CACNA1B: variants seen among roughly 807,000 people sequenced by gnomAD.
CACNA1B encodes the protein calcium voltage-gated channel subunit alpha1 B.
In CACNA1B, 70 loss-of-function variants were observed where a neutral mutation model predicts 247.2. That is an observed-to-expected ratio of 0.28 (90% CI 0.23 to 0.35). The LOEUF (loss-of-function observed/expected upper bound fraction) is 0.35, where lower values mean the gene tolerates loss of function less well. CACNA1B is among the 10% of genes least tolerant of loss of function. CACNA1B has a pLI of 1.00. For synonymous variants in CACNA1B, 1,231 were observed against 1,294.4 expected, an observed-to-expected ratio of 0.95 and a Z score of 1.05; for missense variants, 2,367 against 3,197.4, an observed-to-expected ratio of 0.74 and a Z score of 6.26.
intron 36 of CACNA1B, among the ~76,000 whole-genome samples, chr9:138,089,890 A>G (rs1412889312): frequency 6.6e-6 from 1 of 152,230 alleles, no homozygotes; most frequent in East Asian, 1.9e-4. Flanking sequence ...AGAAATAACT[A>G]AGGAAGTGAA....
rs762044142 is a variant in CACNA1B, at chr9:138,013,143, G to A, written c.2175G>A (p.Met725Ile). The A allele has an allele frequency of 2.9e-5, 46 of 1,613,300 alleles. No homozygotes were observed. Among genetic ancestry groups the A allele is most frequent in the Non-Finnish European group, 8.5e-6 (10 of 1,179,510 alleles). The change falls in exon 18 of 47, where the codon ATG becomes ATA. Residue 725 changes from methionine to isoleucine, a missense_variant. By Grantham distance (10) the Met-to-Ile change is conservative. Around this residue, in one of 12 missense-constraint regions of CACNA1B, gnomAD observed 76 missense variants for 191.0 expected, o/e 0.40. Coordinates refer to ENST00000371372, the MANE Select transcript of CACNA1B (RefSeq NM_000718.4). ...AQELTKDEEE[M>I]EEAANQKLAL... ...TGCTCAAACAGGATGAAGAGGAGAT[G>A]GAAGAAGCAGCCAATCAGAAGCTTG...
rs1958878005 is a variant in CACNA1B at position 138,023,541 on chromosome 9, G to A, written c.2798G>A (p.Arg933Gln). The change falls in exon 19 of 47, where the codon CGA becomes CAA. Residue 933 changes from arginine to glutamine, a missense_variant. Around this residue, in one of 12 missense-constraint regions of CACNA1B, gnomAD observed 631 missense variants for 631.1 expected, o/e 1.00. Transcript: ENST00000371372. Reference protein sequence around the residue: ...SPEEAAEREPRRHRAHRHQDP... With the variant: ...SPEEAAEREPQRHRAHRHQDP... ...GAGGAGGCGGCCGAGCGGGAGCCCC[G>A]ACGCCACCGCGCGCACCGGCACCAG... is the stretch of plus-strand genomic sequence containing the variant. 4.6e-6 allele frequency: 5 copies of A among 1,082,830 alleles called. No individual in the cohort carries two copies. The highest frequency in any genetic ancestry group is 4.3e-4 in the Middle Eastern group (1 of 2,316). The allele number at this position is 1,082,830 out of a possible 1,614,324, so 67.1% of individuals were successfully genotyped here. A position where few individuals can be genotyped will look rare whatever the true frequency, so the allele number is the denominator to read the frequency against.
In CACNA1B at chr9:138,073,384, T is replaced by C. The variant is rs1960200130; in HGVS notation, c.4675-104T>C. 1.4e-6 allele frequency: 1 copy of C among 697,118 alleles called. No homozygotes were observed. The highest frequency in any genetic ancestry group is 2.6e-6 in the Non-Finnish European group (1 of 384,256). 43.2% of individuals were successfully genotyped at this position (697,118 alleles called of 1,614,324 possible). ...TTGATTTTAATCTTTTTAACCACTT[T>C]TCTTTGGGGCCACAGGGATGTGGGA... On this transcript the variant is annotated intron_variant, in intron 32 of 46. Coordinates refer to ENST00000371372, the MANE Select transcript of CACNA1B (RefSeq NM_000718.4). The surrounding 1 kb of genome is among the most constrained non-coding windows in gnomAD (Gnocchi z 6.4).
chr9:138,118,033 G>A lies in CACNA1B; in HGVS notation c.5865G>A (p.Leu1955=), dbSNP rs755273641. 1.3e-6 allele frequency: 2 copies of A among 1,599,566 alleles called. No individual in the cohort carries two copies. The highest frequency in any genetic ancestry group is 1.7e-6 in the Non-Finnish European group (2 of 1,173,070). The stretch of plus-strand genomic sequence containing the variant: ...CACCCCATGAGGCCAGGCCACCCCT[G>A]GAGCGTGGCCACTCCACAGAGATCC... ...QDAPHEARPP[L]ERGHSTEIPV... is the part of the protein sequence containing the mutation. Residue 1955 remains leucine, a synonymous_variant, in exon 43 of 47, where the codon CTG becomes CTA. Transcript: ENST00000371372.
intron 15 of CACNA1B, among the ~76,000 whole-genome samples, chr9:137,997,517 T>A (rs1219165448): frequency 6.6e-6 from 1 of 152,148 alleles, no homozygotes; most frequent in Non-Finnish European, 1.5e-5. Context: ...AGACAAATGA[T>A]GTAGTATGAA....
chr9:137,891,960 G>C lies in CACNA1B; in HGVS notation c.530+9077G>C, dbSNP rs568508396. ...CCTTCTAGCCAATGCCACCCTCCCT[G>C]TCTCCCCTGAGAGCACAGGAGCCTG... On this transcript the variant is annotated intron_variant, in intron 3 of 46. Coordinates refer to ENST00000371372, the MANE Select transcript of CACNA1B (RefSeq NM_000718.4). This position sits in a 1 kb window ranked among gnomAD's most constrained non-coding sequence, Gnocchi z 4.3. The C allele has an allele frequency of 2.3e-5, 10 of 435,010 alleles. No homozygotes were observed. The highest frequency in any genetic ancestry group is 1.9e-4 in the Admixed American group (8 of 41,078). 26.9% of individuals were successfully genotyped at this position (435,010 alleles called of 1,614,324 possible). A position where few individuals can be genotyped will look rare whatever the true frequency, so the allele number is the denominator to read the frequency against.
rs887581947 is a variant in CACNA1B at position 138,032,565 on chromosome 9, C to T, written c.3286+7393C>T. ...TAGGCATTCTTTTGTGGTAGGTCTG[C>T]GGGTGACAAATTCTCTTAGTTTTCC... On this transcript the variant is annotated intron_variant, in intron 20 of 46. Transcript: ENST00000371372. The T allele has an allele frequency of 5.3e-5, 22 of 414,744 alleles. No homozygotes were observed. The East Asian group carries it at 1.5e-3, about 28-fold the overall frequency. 25.7% of individuals were successfully genotyped at this position (414,744 alleles called of 1,614,324 possible). A position where few individuals can be genotyped will look rare whatever the true frequency, so the allele number is the denominator to read the frequency against.
intron 3 of CACNA1B, among the ~76,000 whole-genome samples, chr9:137,908,207 G>A (rs1957318457): frequency 6.6e-6 from 1 of 152,190 alleles, no homozygotes; most frequent in Non-Finnish European, 1.5e-5. Context: ...TTCTGCTGAG[G>A]TCTTTTATTA....
rs199627265 is a variant in CACNA1B at position 138,105,680 on chromosome 9, C to T, written c.5320-19C>T. The T allele has an allele frequency of 5.3e-5, 76 of 1,440,546 alleles. 1 individual carries two copies. Among genetic ancestry groups the T allele is most frequent in the African/African-American group, 5.1e-4 (36 of 71,024 alleles). 89.2% of individuals were successfully genotyped at this position (1,440,546 alleles called of 1,614,324 possible). A position where few individuals can be genotyped will look rare whatever the true frequency, so the allele number is the denominator to read the frequency against. On this transcript the variant is annotated intron_variant, in intron 38 of 46. Transcript: ENST00000371372. The stretch of plus-strand genomic sequence containing the variant: ...TGACCCCAGCAGGCCTGGCCCTGAC[C>T]GGCCCTGCTTGTCCCTAGCGCCTGG...
intron 21 of CACNA1B, among the ~76,000 whole-genome samples, chr9:138,044,971 G>A (rs1959170309): frequency 6.6e-6 from 1 of 152,218 alleles, no homozygotes; most frequent in Non-Finnish European, 1.5e-5. Flanking sequence ...GGTGAGGGGT[G>A]GTAACCCGGT....
chr9:137,994,986 C>T (rs113387207), intron 15 of CACNA1B, among the ~76,000 whole-genome samples: 1,679 of 152,244 alleles, frequency 0.011, 10 homozygotes, highest in African/African-American at 0.014. Context: ...GGGCAGATTA[C>T]CTGAGGTCAG....
intron 18 of CACNA1B, among the ~76,000 whole-genome samples, chr9:138,017,458 G>T (rs190054275): frequency 4.7e-4 from 72 of 152,314 alleles, no homozygotes; most frequent in African/African-American, 1.7e-3. Flanking sequence ...TCTGCTGCCT[G>T]TTGTGTCCGC....
At position 137,957,717 on chromosome 9, in the gene CACNA1B, C is replaced by G; in HGVS notation, c.1333+30C>G. On this transcript the variant is annotated intron_variant, in intron 10 of 46. Coordinates refer to ENST00000371372, the MANE Select transcript of CACNA1B (RefSeq NM_000718.4). The surrounding 1 kb of genome is among the most constrained non-coding windows in gnomAD (Gnocchi z 4.7). ...GTCTCAGGGTGTCCCTCCAGCTCTG[C>G]CAGGCTTGAGCTGGACATGGAGTGC... 6.8e-7 allele frequency: 1 copy of G among 1,477,276 alleles called. No individual in the cohort carries two copies. The highest frequency in any genetic ancestry group is 9.2e-7 in the Non-Finnish European group (1 of 1,084,154). The allele number at this position is 1,477,276 out of a possible 1,614,324, so 91.5% of individuals were successfully genotyped here. A position where few individuals can be genotyped will look rare whatever the true frequency, so the allele number is the denominator to read the frequency against.
chr9:138,031,039 A>G (rs1958981736), intron 20 of CACNA1B, among the ~76,000 whole-genome samples: 1 of 151,692 alleles, frequency 6.6e-6, no homozygotes, highest in Non-Finnish European at 1.5e-5. Context: ...TCTGTTTTCA[A>G]TTTCTTTTGA....
At position 138,059,637 on chromosome 9, in the gene CACNA1B, C is replaced by T; in HGVS notation, c.4585-17C>T. 1 of 1,516,710 alleles carries T rather than the reference C, an allele frequency of 6.6e-7. No homozygotes were observed. The highest frequency in any genetic ancestry group is 9.2e-7 in the Non-Finnish European group (1 of 1,091,326). The allele number at this position is 1,516,710 out of a possible 1,614,324, so 94.0% of individuals were successfully genotyped here. A position where few individuals can be genotyped will look rare whatever the true frequency, so the allele number is the denominator to read the frequency against. On this transcript the variant is annotated splice_polypyrimidine_tract_variant and intron_variant, in intron 30 of 46. Transcript: ENST00000371372. This position sits in a 1 kb window ranked among gnomAD's most constrained non-coding sequence, Gnocchi z 4.2. ...CCTCATCAGCCGCTGGCACTAACTG[C>T]TCTTCTTTTTCTCTAGAACTATTTC...
chr9:137,993,069 T>G (rs1958451707), intron 15 of CACNA1B, among the ~76,000 whole-genome samples: 2 of 152,136 alleles, frequency 1.3e-5, no homozygotes, highest in Non-Finnish European at 2.9e-5. Context: ...CTTAAATGCC[T>G]ACATCAGAAA....
chr9:137,955,578 C>A lies in CACNA1B; in HGVS notation c.1071-120C>A. 1.5e-6 allele frequency: 1 copy of A among 677,514 alleles called. No homozygotes were observed. Among genetic ancestry groups the A allele is most frequent in the Non-Finnish European group, 2.6e-6 (1 of 390,126 alleles). 42.0% of individuals were successfully genotyped at this position (677,514 alleles called of 1,614,324 possible). On this transcript the variant is annotated intron_variant, in intron 7 of 46. Coordinates refer to ENST00000371372, the MANE Select transcript of CACNA1B (RefSeq NM_000718.4). This position sits in a 1 kb window ranked among gnomAD's most constrained non-coding sequence, Gnocchi z 6.9. The stretch of plus-strand genomic sequence containing the variant: ...CTGGGTGGCAGGGGCCTGCCTGAAG[C>A]AGCAGCCTGCAGCCTGCGTCTCCTG...
At chr9:137,987,203 A>G (rs1167940025) in intron 15 of CACNA1B, among the ~76,000 whole-genome samples, 1 of 152,158 alleles carries the variant, frequency 6.6e-6, no homozygotes, top group Non-Finnish European at 1.5e-5. Flanking sequence ...GAGAACAAAA[A>G]CAAAGCACTT....
At chr9:138,099,917 A>G (rs1028636110) in intron 37 of CACNA1B, among the ~76,000 whole-genome samples, 3 of 152,224 alleles carry the variant, frequency 2.0e-5, no homozygotes, top group Non-Finnish European at 4.4e-5. Flanking sequence ...GTGTCCACCC[A>G]TCTGTCTAAT....
Sources: allele counts gnomAD v4.1 joint callset (sites outside exome capture counted in the v4.1 genomes callset), GRCh38; gene constraint gnomAD v4.1.1; regional missense constraint gnomAD v4.1.1; non-coding constraint Gnocchi (gnomAD v3.1); transcripts MANE v1.5; gene names NCBI Gene and HGNC (gene_info 2026-07-23, HGNC 2026-07-21).